The following PPIP5K2 variants were observed in gnomAD, a reference collection of about 807,000 sequenced individuals.
The protein encoded by PPIP5K2 is diphosphoinositol pentakisphosphate kinase 2.
A neutral mutation model predicts 154.6 loss-of-function variants in PPIP5K2; 105 were observed. That is an observed-to-expected ratio of 0.68 (90% CI 0.58 to 0.80). PPIP5K2 has a LOEUF of 0.80. PPIP5K2 is among the 30% of genes least tolerant of loss of function. The pLI is 0.00. For missense variants in PPIP5K2, 992 were observed against 1,504.6 expected, an observed-to-expected ratio of 0.66 and a Z score of 5.64; for synonymous variants, 480 against 490.3, an observed-to-expected ratio of 0.98 and a Z score of 0.28.
intron 29 of PPIP5K2, among the ~76,000 whole-genome samples, chr5:103,192,549 T>C (rs1221089473): frequency 6.6e-6 from 1 of 151,692 alleles, no homozygotes; most frequent in Non-Finnish European, 1.5e-5. Flanking sequence ...ACTATTTAGA[T>C]TGTAGAAGAC....
chr5:103,138,555 T>C, intron 5 of PPIP5K2, 86 bp downstream of exon 5: 1 of 786,448 alleles, frequency 1.3e-6, no homozygotes. Context: ...CTGGAAGGAA[T>C]TTAAAGAATT....
intron 14 of PPIP5K2, among the ~76,000 whole-genome samples, chr5:103,157,925 T>C (rs528486283): frequency 6.6e-6 from 1 of 152,056 alleles, no homozygotes; most frequent in Non-Finnish European, 1.5e-5. Flanking sequence ...CTGAAGAAAA[T>C]TGGGAGCCAT....
intron 17 of PPIP5K2, among the ~76,000 whole-genome samples, chr5:103,161,551 G>A (rs1383643910): frequency 1.1e-4 from 16 of 152,226 alleles, no homozygotes; most frequent in Admixed American, 3.3e-4. Flanking sequence ...TTCCACAATG[G>A]TTGAACTAGT....
chr5:103,153,902 A>G lies in PPIP5K2; in HGVS notation c.1185A>G (p.Lys395=). 1 of 1,608,124 alleles carries G rather than the reference A, an allele frequency of 6.2e-7. No individual in the cohort carries two copies. The highest frequency in any genetic ancestry group is 8.5e-7 in the Non-Finnish European group (1 of 1,176,822). ...TACGTCATGGGGATCGAACACCAAA[A>G]CAAAAAATGAAAATGGAAGTGAGAC... is the stretch of plus-strand genomic sequence containing the variant. The part of the protein sequence containing the change: ...AVIRHGDRTP[K]QKMKMEVRHQ... The change falls in exon 11 of 31, where the codon AAA becomes AAG. Residue 395 remains lysine (K), a synonymous_variant. Coordinates refer to ENST00000358359, the MANE Select transcript of PPIP5K2 (RefSeq NM_001276277.3).
At chr5:103,140,149 T>TA (rs5870043) in intron 5 of PPIP5K2, among the ~76,000 whole-genome samples, 66 of 145,744 alleles carry the variant, frequency 4.5e-4, no homozygotes, top group Middle Eastern at 3.5e-3. Context: ...GGGAAAATGT[T>TA]AAAAAAAAAA....
chr5:103,204,021 G>A lies in PPIP5K2; in HGVS notation c.*2387G>A, dbSNP rs1050073045. The A allele has an allele frequency of 6.6e-6, 1 of 152,080 alleles. No individual in the cohort carries two copies. Among genetic ancestry groups the A allele is most frequent in the African/African-American group, 2.4e-5 (1 of 41,406 alleles). The allele number at this position is 152,080 out of a possible 1,614,324, so 9.4% of individuals were successfully genotyped here. ...AACATAGAGCACAAAGGCAATAGAT[G>A]GAAATTATGAGAGAAAAGTTAAAGT... is the stretch of plus-strand genomic sequence containing the variant. On this transcript the variant is annotated 3_prime_UTR_variant, in exon 31 of 31. Coordinates refer to ENST00000358359, the MANE Select transcript of PPIP5K2 (RefSeq NM_001276277.3).
intron 30 of PPIP5K2, among the ~76,000 whole-genome samples, chr5:103,200,498 G>C (rs781888370): frequency 6.6e-6 from 1 of 151,420 alleles, no homozygotes; most frequent in African/African-American, 2.4e-5. Flanking sequence ...CTCATATTTA[G>C]TACAGAGTGT....
intron 5 of PPIP5K2, among the ~76,000 whole-genome samples, chr5:103,141,410 C>T (rs182922533): frequency 9.9e-4 from 150 of 152,130 alleles, no homozygotes; most frequent in African/African-American, 2.6e-3. Flanking sequence ...TCGTTCCTCC[C>T]GGTGGGCTCT....
intron 6 of PPIP5K2, 36 bp from the exon 7 acceptor site, chr5:103,147,895 T>G: frequency 8.1e-7 from 1 of 1,236,336 alleles, no homozygotes; most frequent in South Asian, 1.3e-5. Flanking sequence ...GGAAATAATT[T>G]GCTTTTTTAT....
chr5:103,123,384 C>T (rs782609300), intron 1 of PPIP5K2, among the ~76,000 whole-genome samples: 4 of 152,326 alleles, frequency 2.6e-5, no homozygotes, highest in Admixed American at 6.5e-5. Flanking sequence ...GGACGACGAG[C>T]AACATCAGCA....
At chr5:103,146,472 C>G in intron 5 of PPIP5K2, 55 bp from the exon 6 acceptor site, 1 of 1,556,424 alleles carries the variant, frequency 6.4e-7, no homozygotes, top group Non-Finnish European at 8.7e-7. Flanking sequence ...AATGTGGTGT[C>G]CTGATAATAT....
chr5:103,122,955 G>A (rs2149424886), intron 1 of PPIP5K2, among the ~76,000 whole-genome samples: 1 of 152,338 alleles, frequency 6.6e-6, no homozygotes, highest in South Asian at 2.1e-4. Context: ...CCAGGCAGTA[G>A]TGTTCATGAT....
intron 26 of PPIP5K2, 61 bp from the exon 27 acceptor site, chr5:103,186,259 G>A (rs1800360538): frequency 6.2e-7 from 1 of 1,605,286 alleles, no homozygotes; most frequent in Non-Finnish European, 8.5e-7. Flanking sequence ...CATGCTGCAT[G>A]AATTCCCAAT....
At chr5:103,188,033 A>G (rs180771190) in intron 28 of PPIP5K2, among the ~76,000 whole-genome samples, 2 of 152,270 alleles carry the variant, frequency 1.3e-5, no homozygotes, top group East Asian at 1.9e-4. Context: ...CTTAAAATTT[A>G]GAGGACTCCT....
chr5:103,148,896 T>C (rs1002350634), intron 7 of PPIP5K2, among the ~76,000 whole-genome samples: 45 of 152,066 alleles, frequency 3.0e-4, no homozygotes, highest in African/African-American at 1.0e-3. Flanking sequence ...CATCCTAGTA[T>C]TCCCTCGTAA....
intron 5 of PPIP5K2, among the ~76,000 whole-genome samples, chr5:103,145,460 C>G (rs1368072260): frequency 2.0e-5 from 3 of 151,974 alleles, no homozygotes; most frequent in Non-Finnish European, 4.4e-5. Flanking sequence ...TTTATTGCAG[C>G]ACCACTTGGA....
intron 29 of PPIP5K2, among the ~76,000 whole-genome samples, chr5:103,191,655 T>C (rs1190976561): frequency 2.6e-5 from 4 of 152,100 alleles, no homozygotes; most frequent in Non-Finnish European, 5.9e-5. Flanking sequence ...AACACTTTTA[T>C]GGTAACACAT....
At chr5:103,138,779 A>T (rs1792031752) in intron 5 of PPIP5K2, among the ~76,000 whole-genome samples, 1 of 152,254 alleles carries the variant, frequency 6.6e-6, no homozygotes, top group Admixed American at 6.5e-5. Context: ...CAAGTGATTT[A>T]TCTATGACTA....
intron 28 of PPIP5K2, chr5:103,188,609 C>T (rs1233627479): frequency 2.0e-5 from 3 of 152,040 alleles, no homozygotes; most frequent in African/African-American, 7.2e-5. Context: ...TCTAAAGAAA[C>T]CGCATGCCTA....
Sources: allele counts gnomAD v4.1 joint callset (sites outside exome capture counted in the v4.1 genomes callset), GRCh38; gene constraint gnomAD v4.1.1; transcripts MANE v1.5; gene names NCBI Gene and HGNC (gene_info 2026-07-23, HGNC 2026-07-21).